EYS: variants seen among roughly 807,000 people sequenced by gnomAD.
The protein encoded by EYS is protein eyes shut homolog.
EYS carries 250 observed loss-of-function variants against 282.1 expected under a neutral mutation model. The observed-to-expected ratio is 0.89, with a 90% CI of 0.80 to 0.98. EYS has a LOEUF of 0.98. Ranked by LOEUF, EYS falls within the 50% of genes least tolerant of loss-of-function variation. EYS has a pLI of 0.00. For synonymous variants in EYS, 1,355 were observed against 1,282.9 expected (o/e 1.06, Z -1.20); for missense variants, 4,016 against 3,709.0 (o/e 1.08, Z -2.15).
intron 14 of EYS, among the ~76,000 whole-genome samples, chr6:64,981,210 G>A (rs1165940450): frequency 6.6e-6 from 1 of 151,256 alleles, no homozygotes; most frequent in Admixed American, 6.6e-5. Context: ...TTCAAGAACT[G>A]ACATGAGAAA....
At chr6:64,368,094 C>T (rs1772239513) in intron 29 of EYS, among the ~76,000 whole-genome samples, 1 of 152,034 alleles carries the variant, frequency 6.6e-6, no homozygotes, top group South Asian at 2.1e-4. Context: ...CAACCTCTTG[C>T]CACCCTCCGC....
intron 12 of EYS, among the ~76,000 whole-genome samples, chr6:65,258,012 A>T (rs1414839053): frequency 6.6e-6 from 1 of 152,076 alleles, no homozygotes; most frequent in Non-Finnish European, 1.5e-5. Context: ...TGTACCTAAC[A>T]CAAAGAAATG....
chr6:64,609,725 A>G (rs1231675150), intron 24 of EYS, among the ~76,000 whole-genome samples: 1 of 152,070 alleles, frequency 6.6e-6, no homozygotes, highest in Admixed American at 6.6e-5. Context: ...TCTACAAAAA[A>G]TATTATAAAA....
chr6:64,776,387 A>G (rs1019766848), intron 22 of EYS, among the ~76,000 whole-genome samples: 1 of 152,108 alleles, frequency 6.6e-6, no homozygotes, highest in Non-Finnish European at 1.5e-5. Context: ...ACGCCAATCT[A>G]TAACACCAGA....
chr6:63,836,641 G>A (rs1159889550), intron 36 of EYS, among the ~76,000 whole-genome samples: 2 of 151,868 alleles, frequency 1.3e-5, no homozygotes, highest in South Asian at 2.1e-4. Flanking sequence ...AGAAACTAAG[G>A]AACATTTATA....
chr6:65,475,867 A>T (rs1308525264), intron 5 of EYS, among the ~76,000 whole-genome samples: 1 of 152,030 alleles, frequency 6.6e-6, no homozygotes, highest in Non-Finnish European at 1.5e-5. Context: ...TCCATTTTTA[A>T]AATCTTAGAC....
At chr6:65,367,650 A>G (rs1030634979) in intron 8 of EYS, among the ~76,000 whole-genome samples, 1 of 151,732 alleles carries the variant, frequency 6.6e-6, no homozygotes, top group African/African-American at 2.4e-5. Flanking sequence ...ATACAAGATA[A>G]GCTTGCAACT....
intron 31 of EYS, among the ~76,000 whole-genome samples, chr6:64,083,174 G>A (rs1021613374): frequency 6.6e-6 from 1 of 152,088 alleles, no homozygotes; most frequent in Non-Finnish European, 1.5e-5. Context: ...CTCCCAAAGT[G>A]CTGGAATTAC....
chr6:64,512,654 A>T (rs759303105), intron 26 of EYS, among the ~76,000 whole-genome samples: 19 of 152,016 alleles, frequency 1.2e-4, no homozygotes, highest in Non-Finnish European at 1.0e-4. Flanking sequence ...AAGAAATGAA[A>T]GATTTGACAC....
intron 22 of EYS, among the ~76,000 whole-genome samples, chr6:64,649,320 G>A (rs1321986182): frequency 6.7e-6 from 1 of 149,062 alleles, no homozygotes; most frequent in Non-Finnish European, 1.5e-5. Context: ...ATAATATTAG[G>A]ACTCCATATA....
chr6:65,515,612 G>T (rs1339688001), intron 2 of EYS, among the ~76,000 whole-genome samples: 8 of 152,020 alleles, frequency 5.3e-5, no homozygotes, highest in Middle Eastern at 6.8e-3. Context: ...CATGCAGCCA[G>T]AAAAAATGAT....
At chr6:65,299,014 A>C (rs557907748) in intron 11 of EYS, among the ~76,000 whole-genome samples, 2 of 152,224 alleles carry the variant, frequency 1.3e-5, no homozygotes, top group East Asian at 1.9e-4. Context: ...GATCCATAGG[A>C]TAAATCCCTT....
At chr6:65,473,825 G>A (rs917366131) in intron 5 of EYS, among the ~76,000 whole-genome samples, 1 of 147,388 alleles carries the variant, frequency 6.8e-6, no homozygotes, top group African/African-American at 2.5e-5. Flanking sequence ...AAATAACAAT[G>A]TTGGTTATGG....
At chr6:65,008,082 C>A (rs1454789772) in intron 13 of EYS, among the ~76,000 whole-genome samples, 2 of 152,150 alleles carry the variant, frequency 1.3e-5, no homozygotes, top group Non-Finnish European at 2.9e-5. Context: ...TAGGCCCTCA[C>A]TGGGACACAG....
intron 33 of EYS, among the ~76,000 whole-genome samples, chr6:64,043,162 C>A (rs530082537): frequency 3.3e-5 from 5 of 152,234 alleles, no homozygotes; most frequent in Admixed American, 2.0e-4. Flanking sequence ...ATTTTTTAAA[C>A]TAATGATAAA....
Position 65,495,201 on chromosome 6 carries a change from G to A in EYS, c.210C>T (p.Gly70=). The A allele has an allele frequency of 6.2e-7, 1 of 1,614,122 alleles. No individual in the cohort carries two copies. The highest frequency in any genetic ancestry group is 2.2e-5 in the East Asian group (1 of 44,874). The part of the protein sequence containing the change: ...LGVNTKIDTS[G]NQAVPQICPL... Reference sequence around the variant, plus strand: ...GGCAAATCTGGGGAACAGCTTGATTGCCTGAAGTATCTATTTTAGTGTTTA... The same window carrying A: ...GGCAAATCTGGGGAACAGCTTGATTACCTGAAGTATCTATTTTAGTGTTTA... The change falls in exon 4 of 43, where the codon GGC becomes GGT. Residue 70 remains glycine, a synonymous_variant. Coordinates refer to ENST00000503581, the MANE Select transcript of EYS (RefSeq NM_001142800.2).
chr6:65,225,774 G>A (rs1467859719), intron 12 of EYS, among the ~76,000 whole-genome samples: 1 of 147,530 alleles, frequency 6.8e-6, no homozygotes, highest in Non-Finnish European at 1.5e-5. Context: ...AATTGAAAGA[G>A]ACCAAAAAAC....
intron 35 of EYS, among the ~76,000 whole-genome samples, chr6:63,908,393 A>T (rs1447709931): frequency 2.0e-5 from 3 of 152,134 alleles, no homozygotes; most frequent in Admixed American, 6.5e-5. Flanking sequence ...TATGGAAAAC[A>T]GTATAAAGAT....
chr6:64,904,678 C>A (rs145016100), intron 16 of EYS, among the ~76,000 whole-genome samples: 1 of 152,206 alleles, frequency 6.6e-6, no homozygotes, highest in African/African-American at 2.4e-5. Context: ...TAGAAATGTT[C>A]TTTTGAGGCA....
Sources: gnomAD v4.1 joint callset for allele counts (sites outside exome capture counted in the v4.1 genomes callset) on GRCh38, gnomAD v4.1.1 for gene constraint, MANE v1.5 for transcripts, NCBI Gene and HGNC (gene_info 2026-07-23, HGNC 2026-07-21) for gene names.